DNPEP: variants seen among roughly 807,000 people sequenced by gnomAD.
DNPEP encodes aspartyl aminopeptidase.
DNPEP carries 46 observed loss-of-function variants against 59.1 expected under a neutral mutation model. The ratio of observed to expected loss-of-function variants is 0.78; its 90% CI spans 0.61 to 0.99. DNPEP has a LOEUF of 0.99. DNPEP is among the 50% of genes least tolerant of loss of function. DNPEP has a pLI of 0.00. For synonymous variants in DNPEP, 229 were observed against 242.2 expected (o/e 0.95, Z 0.50); for missense variants, 617 against 649.9 (o/e 0.95, Z 0.55).
chr2:219,392,433 C>T (rs1954033278), upstream of DNPEP, among the ~76,000 whole-genome samples: 3 of 151,948 alleles, frequency 2.0e-5, no homozygotes, highest in South Asian at 2.1e-4. Context: ...CTGCAATCTC[C>T]GCCTCCTGGG....
rs764616876 is a variant in DNPEP at position 219,385,665 on chromosome 2, T to C, written c.632A>G (p.Lys211Arg). 6.2e-7 allele frequency: 1 copy of C among 1,610,890 alleles called. No homozygotes were observed. The change falls in exon 7 of 15, where the codon AAG (lysine) becomes AGG (arginine). Residue 211 changes from lysine (K) to arginine (R), a missense_variant. By Grantham distance (26) the Lys-to-Arg change is conservative. Transcript: ENST00000273075. ...GAGAGGCCCTGGCTCAGGAGTCCCC[T>C]TCTCCAGCTCCTCCTGGATGGCTGT... is the stretch of plus-strand genomic sequence containing the variant. Reference protein sequence around the residue: ...LATAIQEELEKGTPEPGPLNA... With the variant: ...LATAIQEELERGTPEPGPLNA...
In DNPEP at chr2:219,383,165, T is replaced by C. The variant is rs747613914; in HGVS notation, c.902A>G (p.His301Arg). Residue 301 changes from histidine (H) to arginine (R), a missense_variant, in exon 10 of 15, where the codon CAC becomes CGC. Physicochemically the swap from His to Arg is conservative, Grantham distance 29. Coordinates refer to ENST00000273075, the MANE Select transcript of DNPEP (RefSeq NM_012100.4). Reference sequence around the variant, plus strand: ...GTCATAGAGTGTGACCATGCGCACGTGAGGCTCTGTGGCCAGGGAGCCAGG... The same window carrying C: ...GTCATAGAGTGTGACCATGCGCACGCGAGGCTCTGTGGCCAGGGAGCCAGG... ...AGPGSLATEP[H>R]VRMVTLYDNE... The C allele has an allele frequency of 6.2e-7, 1 of 1,613,862 alleles. No individual in the cohort carries two copies. Among genetic ancestry groups the C allele is most frequent in the Admixed American group, 1.7e-5 (1 of 60,020 alleles).
intron 13 of DNPEP, among the ~76,000 whole-genome samples, chr2:219,376,073 G>A (rs995914864): frequency 6.6e-6 from 1 of 152,110 alleles, no homozygotes; most frequent in East Asian, 1.9e-4. Context: ...AAGAGTCAAA[G>A]GGCACAGGAG....
chr2:219,386,807 T>A (rs200657344), intron 3 of DNPEP, 29 bp from the exon 4 acceptor site: 665 of 1,609,822 alleles, frequency 4.1e-4, no homozygotes, highest in Non-Finnish European at 4.8e-4. Flanking sequence ...AAGACAGGGG[T>A]GTGAGTTGCA....
At chr2:219,399,790 G>A in intron 1 of DNPEP, 2 of 1,225,076 alleles carry the variant, frequency 1.6e-6, no homozygotes, top group South Asian at 1.3e-5. Flanking sequence ...CTAAGCCAGT[G>A]CGTGGCTCAT....
Position 219,381,563 on chromosome 2 carries a change from G to A in DNPEP, c.1119C>T (p.His373=). Residue 373 remains histidine, a synonymous_variant, in exon 12 of 15, where the codon CAC becomes CAT. Coordinates refer to ENST00000273075, the MANE Select transcript of DNPEP (RefSeq NM_012100.4). ...PNYLDKHEEN[H]RPLFHKGPVI... ...GTCTCACCTTGTGGAATAAAGGCCG[G>A]TGGTTCTCCTCATGCTTGTCCCTGT... is the stretch of plus-strand genomic sequence containing the variant. The A allele has an allele frequency of 6.2e-7, 1 of 1,614,188 alleles. No homozygotes were observed. Among genetic ancestry groups the A allele is most frequent in the East Asian group, 2.2e-5 (1 of 44,882 alleles).
chr2:219,387,362 T>G, intron 1 of DNPEP, 199 bp from the exon 2 acceptor site: 1 of 1,441,744 alleles, frequency 6.9e-7, no homozygotes, highest in Non-Finnish European at 9.1e-7. Flanking sequence ...CCCAGGATCA[T>G]GAGCCAGGCC....
intron 1 of DNPEP, chr2:219,387,384 C>T: frequency 2.1e-6 from 3 of 1,439,086 alleles, no homozygotes; most frequent in Non-Finnish European, 2.7e-6. Context: ...GCCCCTTAAT[C>T]CGAACTTTAG....
In DNPEP at chr2:219,387,867, G is replaced by A; in HGVS notation, c.-73C>T. 7.1e-7 allele frequency: 1 copy of A among 1,418,096 alleles called. No homozygotes were observed. The allele number at this position is 1,418,096 out of a possible 1,614,324, so 87.8% of individuals were successfully genotyped here. On this transcript the variant is annotated 5_prime_UTR_variant, in exon 1 of 15. It adds an upstream start codon to the 5' untranslated region. Coordinates refer to ENST00000273075, the MANE Select transcript of DNPEP (RefSeq NM_012100.4). ...CTCACTAGCTTTGCAGGTCCCCCGC[G>A]TGCCCCTTCAGGCCGCGCCGCACTC... is the stretch of plus-strand genomic sequence containing the variant.
chr2:219,385,383 TG>T, intron 8 of DNPEP, 40 bp downstream of exon 8: 1 of 1,457,710 alleles, frequency 6.9e-7, no homozygotes, highest in Non-Finnish European at 9.6e-7. Context: ...GCCAGGATCC[TG>T]GAGGCCCTTC....
intron 1 of DNPEP, among the ~76,000 whole-genome samples, chr2:219,394,827 C>T (rs1954070300): frequency 6.6e-6 from 1 of 152,172 alleles, no homozygotes; most frequent in African/African-American, 2.4e-5. Flanking sequence ...AATCTGAACT[C>T]CTTGTTCCCC....
chr2:219,394,325 C>T (rs1010219496), intron 1 of DNPEP, among the ~76,000 whole-genome samples: 5 of 152,196 alleles, frequency 3.3e-5, no homozygotes, highest in African/African-American at 7.2e-5. Context: ...CGTTTGCTCT[C>T]CTGGGAACAC....
chr2:219,376,373 A>G (rs1426552856), intron 13 of DNPEP, among the ~76,000 whole-genome samples: 1 of 151,934 alleles, frequency 6.6e-6, no homozygotes, highest in Non-Finnish European at 1.5e-5. Flanking sequence ...CTGTAATCCC[A>G]GCTACTCAGG....
chr2:219,381,831 G>A (rs532114489), intron 11 of DNPEP, 148 bp downstream of exon 11: 19 of 1,007,670 alleles, frequency 1.9e-5, no homozygotes, highest in Middle Eastern at 5.3e-4. Flanking sequence ...AGTTGGTCTC[G>A]CAGTAGTGAA....
At chr2:219,381,478 A>T in intron 12 of DNPEP, 42 bp from the exon 13 acceptor site, 1 of 1,613,850 alleles carries the variant, frequency 6.2e-7, no homozygotes, top group Non-Finnish European at 8.5e-7. Context: ...GACAGGCCCA[A>T]AGGGAATGAG....
intron 13 of DNPEP, among the ~76,000 whole-genome samples, chr2:219,380,829 C>T (rs148889696): frequency 7.3e-4 from 10 of 13,660 alleles, no homozygotes; most frequent in African/African-American, 1.2e-3. Context: ...TACATGTATA[C>T]AACATATATA....
intron 1 of DNPEP, among the ~76,000 whole-genome samples, chr2:219,394,334 ACT>A (rs1475057246): frequency 1.3e-5 from 2 of 151,528 alleles, no homozygotes; most frequent in East Asian, 1.9e-4. Flanking sequence ...TCCTGGGAAC[ACT>A]CTCTTCACTT....
chr2:219,377,775 T>A lies in DNPEP; in HGVS notation c.1240-2753A>T, dbSNP rs977981281. On this transcript the variant is annotated intron_variant, in intron 13 of 14. Coordinates refer to ENST00000273075, the MANE Select transcript of DNPEP (RefSeq NM_012100.4). ...CCCCATTTTTACTAAAAATAGAAAA[T>A]TAGCCAGCATGGTGGCATGCATCTG... 2.0e-5 allele frequency among the ~76,000 whole-genome samples: 3 copies of A among 151,868 alleles called. No homozygotes were observed. In the South Asian group the frequency reaches 6.2e-4, roughly 32 times the overall value.
At position 219,385,481 on chromosome 2, in the gene DNPEP, C is replaced by T; in HGVS notation, c.717G>A (p.Gly239=). Residue 239 remains glycine (G), a synonymous_variant, in exon 8 of 15, where the codon GGG becomes GGA. Transcript: ENST00000273075. The part of the protein sequence containing the change: ...VLMSLLCAHL[G]LSPKDIVEME... ...TCTCCACTATGTCCTTGGGGCTCAG[C>T]CCCAGATGGGCACAGAGCAGGGACA... 6.2e-7 allele frequency: 1 copy of T among 1,608,142 alleles called. No individual in the cohort carries two copies. Among genetic ancestry groups the T allele is most frequent in the Non-Finnish European group, 8.5e-7 (1 of 1,175,070 alleles).
Sources: gnomAD v4.1 joint callset for allele counts (sites outside exome capture counted in the v4.1 genomes callset) on GRCh38, gnomAD v4.1.1 for gene constraint, MANE v1.5 for transcripts, NCBI Gene and HGNC (gene_info 2026-07-23, HGNC 2026-07-21) for gene names.